MBP: variants seen among roughly 807,000 people sequenced by gnomAD.
The protein encoded by MBP is Golli-MBP.
In MBP, 16 loss-of-function variants were observed where a neutral mutation model predicts 35.8. The ratio of observed to expected loss-of-function variants is 0.45; its 90% CI spans 0.30 to 0.68. The LOEUF (loss-of-function observed/expected upper bound fraction) is 0.68. Ranked by LOEUF, MBP falls within the 30% of genes least tolerant of loss-of-function variation. The pLI is 0.08. For synonymous variants in MBP, 143 were observed against 159.6 expected (o/e 0.90, Z 0.78); for missense variants, 380 against 404.7 (o/e 0.94, Z 0.52).
chr18:77,090,635 T>C (rs991731106), intron 2 of MBP, among the ~76,000 whole-genome samples: 5 of 152,204 alleles, frequency 3.3e-5, no homozygotes, highest in African/African-American at 1.2e-4. Flanking sequence ...GCTCTCTCCT[T>C]GGTGGGACGT....
chr18:76,985,225 A>C, intron 7 of MBP: 1 of 1,389,160 alleles, frequency 7.2e-7, no homozygotes, highest in Admixed American at 1.9e-5. Flanking sequence ...GGGGTGTTCA[A>C]GAGAAGATTA....
chr18:77,001,432 C>A (rs896014929), intron 4 of MBP, among the ~76,000 whole-genome samples: 1 of 152,236 alleles, frequency 6.6e-6, no homozygotes, highest in Non-Finnish European at 1.5e-5. Flanking sequence ...TGCCAGGGTA[C>A]CCACGCTGCA....
At chr18:77,023,479 C>A (rs933817750) in intron 3 of MBP, among the ~76,000 whole-genome samples, 1 of 152,082 alleles carries the variant, frequency 6.6e-6, no homozygotes, top group East Asian at 1.9e-4. Context: ...GCTCTCACTG[C>A]GACATCGTGG....
At chr18:76,992,355 G>A (rs906632091) in intron 4 of MBP, among the ~76,000 whole-genome samples, 1 of 152,152 alleles carries the variant, frequency 6.6e-6, no homozygotes, top group Non-Finnish European at 1.5e-5. Flanking sequence ...ATCTGGTGCC[G>A]CTGGCCTGAC....
rs983630683 is a variant in MBP at position 76,989,146 on chromosome 18, A to G, written c.682-234T>C. The G allele has an allele frequency of 7.9e-5, 54 of 682,282 alleles. No homozygotes were observed. The highest frequency in any genetic ancestry group is 7.5e-4 in the Middle Eastern group (2 of 2,664). 42.3% of individuals were successfully genotyped at this position (682,282 alleles called of 1,614,324 possible). A position where few individuals can be genotyped will look rare whatever the true frequency, so the allele number is the denominator to read the frequency against. ...TCAGGAAGTGTTTCAGAGGATGGAAAACACCTCCCAGAGGCTCCGTAGCTG... is the reference window on the plus strand; with the variant it reads ...TCAGGAAGTGTTTCAGAGGATGGAAGACACCTCCCAGAGGCTCCGTAGCTG... On this transcript the variant is annotated intron_variant, in intron 5 of 8. Coordinates refer to ENST00000355994, the MANE Select transcript of MBP (RefSeq NM_001025101.2). This position sits in a 1 kb window ranked among gnomAD's most constrained non-coding sequence, Gnocchi z 4.0.
chr18:77,067,689 C>T (rs992176470), intron 2 of MBP: 10 of 397,158 alleles, frequency 2.5e-5, no homozygotes, highest in East Asian at 1.5e-4. Context: ...CTGCTTCTCT[C>T]GGGTGCCACT....
intron 3 of MBP, among the ~76,000 whole-genome samples, chr18:77,026,914 G>A (rs1486715129): frequency 2.6e-5 from 4 of 152,114 alleles, no homozygotes; most frequent in Admixed American, 6.5e-5. Flanking sequence ...TGGACATCAC[G>A]TCCAAGCAGA....
intron 2 of MBP, among the ~76,000 whole-genome samples, chr18:77,075,821 T>C (rs988553142): frequency 6.6e-6 from 1 of 152,080 alleles, no homozygotes; most frequent in Non-Finnish European, 1.5e-5. Flanking sequence ...TGGAAGAGAT[T>C]AGGCTAAGAG....
At chr18:77,034,322 C>T (rs1972669411) in intron 3 of MBP, among the ~76,000 whole-genome samples, 1 of 152,156 alleles carries the variant, frequency 6.6e-6, no homozygotes, top group Non-Finnish European at 1.5e-5. Flanking sequence ...CTGAATTCTA[C>T]TGGCAACTGG....
intron 1 of MBP, chr18:77,127,403 A>G (rs1977086228): frequency 6.6e-6 from 1 of 152,206 alleles, no homozygotes; most frequent in Non-Finnish European, 1.5e-5. Flanking sequence ...TTAACTCAAA[A>G]TGGAAAATAG....
At chr18:77,009,558 T>C (rs896712034) in intron 4 of MBP, among the ~76,000 whole-genome samples, 2 of 152,224 alleles carry the variant, frequency 1.3e-5, no homozygotes, top group Non-Finnish European at 2.9e-5. Context: ...AGGCAGACTC[T>C]CACCAAGGCT....
chr18:77,036,091 T>C (rs1972753732), intron 3 of MBP, among the ~76,000 whole-genome samples: 3 of 151,932 alleles, frequency 2.0e-5, no homozygotes, highest in Admixed American at 6.6e-5. Context: ...GGTCACGTTT[T>C]GGAGGACTGA....
chr18:77,106,134 G>A (rs1976268377), intron 1 of MBP, among the ~76,000 whole-genome samples: 1 of 152,192 alleles, frequency 6.6e-6, no homozygotes, highest in Admixed American at 6.5e-5. Flanking sequence ...TTGCAAAAAG[G>A]TGTGAGTACC....
chr18:77,056,409 C>T (rs535984194), intron 3 of MBP, among the ~76,000 whole-genome samples: 1 of 152,332 alleles, frequency 6.6e-6, no homozygotes, highest in South Asian at 2.1e-4. Context: ...GACATCGGCC[C>T]TTTCCTGGCC....
chr18:76,983,489 A>G (rs1454365185), intron 8 of MBP: 1 of 152,052 alleles, frequency 6.6e-6, no homozygotes, highest in African/African-American at 2.4e-5. Context: ...TTGTGGCCAC[A>G]TCCCAGAACT....
intron 2 of MBP, among the ~76,000 whole-genome samples, chr18:77,099,339 G>A (rs949595389): frequency 7.2e-5 from 11 of 152,324 alleles, no homozygotes; most frequent in Middle Eastern, 3.4e-3. Flanking sequence ...CACCTGAGAC[G>A]TAGCCAGGCC....
rs1977252873 is a variant in MBP at position 77,131,108 on chromosome 18, CACA to C, written c.-26+1469_-26+1471del. Among the ~76,000 whole-genome samples, 1 of 79,422 alleles carries C rather than the reference CACA, an allele frequency of 1.3e-5. No homozygotes were observed. The highest frequency in any genetic ancestry group is 3.1e-5 in the African/African-American group (1 of 32,006). 52.1% of individuals were successfully genotyped at this position (79,422 alleles called of 152,430 possible). On this transcript the variant is annotated intron_variant, in intron 1 of 8. Transcript: ENST00000355994. The surrounding 1 kb of genome is among the most constrained non-coding windows in gnomAD (Gnocchi z 5.5). ...GCGCACACACACACACACACACACA[CACA>C]CACACACACCCCCTCTGCCGCGGTA...
At chr18:77,005,421 T>A (rs1475026059) in intron 4 of MBP, 1 of 151,948 alleles carries the variant, frequency 6.6e-6, no homozygotes, top group Non-Finnish European at 1.5e-5. Flanking sequence ...GGAAGCAGGG[T>A]CTCTGTTCCT....
chr18:77,001,393 C>T (rs1322140247), intron 4 of MBP, among the ~76,000 whole-genome samples: 1 of 152,232 alleles, frequency 6.6e-6, no homozygotes, highest in African/African-American at 2.4e-5. Flanking sequence ...TCCAGCCACT[C>T]CGCAGCAGTC....
Sources: allele counts gnomAD v4.1 joint callset (sites outside exome capture counted in the v4.1 genomes callset), GRCh38; gene constraint gnomAD v4.1.1; non-coding constraint Gnocchi (gnomAD v3.1); transcripts MANE v1.5; gene names NCBI Gene and HGNC (gene_info 2026-07-23, HGNC 2026-07-21).